The following PAK5 variants were observed in gnomAD, a reference collection of about 807,000 sequenced individuals.
PAK5 encodes p21 (RAC1) activated kinase 5.
PAK5 carries 16 observed loss-of-function variants against 65.9 expected under a neutral mutation model. That is an observed-to-expected ratio of 0.24 (90% confidence interval 0.16 to 0.37). PAK5 has a LOEUF of 0.37. PAK5 is among the 10% of genes least tolerant of loss of function. The pLI, the probability that PAK5 is intolerant of heterozygous loss-of-function variation, is 1.00. For missense variants in PAK5, 785 were observed against 903.9 expected, an observed-to-expected ratio of 0.87 and a Z score of 1.69; for synonymous variants, 371 against 354.9, an observed-to-expected ratio of 1.05 and a Z score of -0.51.
chr20:9,820,739 A>C (rs1008517157), intron 1 of PAK5, among the ~76,000 whole-genome samples: 2 of 152,198 alleles, frequency 1.3e-5, no homozygotes, highest in African/African-American at 4.8e-5. Context: ...GGCACAACAA[A>C]AGTGGAATCA....
chr20:9,809,325 G>C (rs909196480), intron 1 of PAK5, among the ~76,000 whole-genome samples: 4 of 145,444 alleles, frequency 2.8e-5, no homozygotes, highest in Non-Finnish European at 5.9e-5. Context: ...TTTCTGTTGA[G>C]GCAATCCAAA....
At chr20:9,834,806 T>C (rs13042727) in intron 1 of PAK5, among the ~76,000 whole-genome samples, 3,088 of 152,234 alleles carry the variant, frequency 0.02, 42 homozygotes, top group South Asian at 0.037. Flanking sequence ...TTATTATACA[T>C]AATGATTATT....
At chr20:9,832,562 C>T (rs558798350) in intron 1 of PAK5, among the ~76,000 whole-genome samples, 10 of 152,278 alleles carry the variant, frequency 6.6e-5, no homozygotes, top group East Asian at 1.9e-4. Flanking sequence ...CATGAGCCAC[C>T]GTGCCTGGCA....
chr20:9,704,368 C>T (rs970710626), intron 2 of PAK5, among the ~76,000 whole-genome samples: 2 of 152,192 alleles, frequency 1.3e-5, no homozygotes, highest in Non-Finnish European at 2.9e-5. Context: ...ACTTCACAAT[C>T]TGCATAATTA....
chr20:9,671,923 T>C (rs2047504271), intron 2 of PAK5, among the ~76,000 whole-genome samples: 1 of 152,134 alleles, frequency 6.6e-6, no homozygotes, highest in Non-Finnish European at 1.5e-5. Flanking sequence ...AAATAGGCCC[T>C]GTTCCTGTCA....
At chr20:9,810,826 A>C (rs759530679) in intron 1 of PAK5, among the ~76,000 whole-genome samples, 4 of 152,188 alleles carry the variant, frequency 2.6e-5, no homozygotes, top group Non-Finnish European at 4.4e-5. Flanking sequence ...GTTAAGTTTC[A>C]CCACGTATAT....
chr20:9,647,632 G>A (rs933881892), intron 2 of PAK5, among the ~76,000 whole-genome samples: 18 of 152,148 alleles, frequency 1.2e-4, no homozygotes, highest in Admixed American at 7.2e-4. Flanking sequence ...AGAGAGTTGC[G>A]GAGAGGAAAT....
intron 2 of PAK5, among the ~76,000 whole-genome samples, chr20:9,657,837 G>C (rs2047290215): frequency 6.6e-6 from 1 of 152,150 alleles, no homozygotes; most frequent in Non-Finnish European, 1.5e-5. Context: ...GATTTGCCTT[G>C]TTCAAGAAAC....
chr20:9,629,025 C>T (rs1183042409), intron 3 of PAK5, among the ~76,000 whole-genome samples: 1 of 152,150 alleles, frequency 6.6e-6, no homozygotes, highest in Non-Finnish European at 1.5e-5. Context: ...ATCAACAAAC[C>T]AGGCTTCTTC....
intron 1 of PAK5, among the ~76,000 whole-genome samples, chr20:9,807,779 A>ATAATAATAATAATAATAG (rs1286073054): frequency 1.3e-5 from 2 of 149,604 alleles, no homozygotes; most frequent in South Asian, 2.1e-4. Context: ...AATAATAATA[A>ATAATAATAATAATAATAG]TAATAATAAT....
chr20:9,641,361 T>C (rs1438246604), intron 3 of PAK5, among the ~76,000 whole-genome samples: 1 of 146,040 alleles, frequency 6.8e-6, no homozygotes, highest in African/African-American at 2.7e-5. Flanking sequence ...AGATACAGAG[T>C]GTCGACTGGT....
At chr20:9,694,497 C>T (rs2123443214) in intron 2 of PAK5, among the ~76,000 whole-genome samples, 1 of 152,040 alleles carries the variant, frequency 6.6e-6, no homozygotes, top group South Asian at 2.1e-4. Context: ...GAACACATTC[C>T]TGAAACCACA....
At chr20:9,622,217 G>T (rs1600157552) in intron 3 of PAK5, among the ~76,000 whole-genome samples, 1 of 150,702 alleles carries the variant, frequency 6.6e-6, no homozygotes, top group Non-Finnish European at 1.5e-5. Flanking sequence ...ACCATTTTGA[G>T]GTAATGCTAG....
At chr20:9,540,737 CTTT>C (rs1168963029) in intron 9 of PAK5, among the ~76,000 whole-genome samples, 4 of 138,236 alleles carry the variant, frequency 2.9e-5, no homozygotes, top group East Asian at 2.1e-4. Flanking sequence ...TTTTTAGTCA[CTTT>C]TTTTTTTTTT....
At chr20:9,688,460 A>T (rs2047749777) in intron 2 of PAK5, among the ~76,000 whole-genome samples, 1 of 151,798 alleles carries the variant, frequency 6.6e-6, no homozygotes, top group Non-Finnish European at 1.5e-5. Flanking sequence ...ACCAACCCTG[A>T]CTCAGGTCCC....
chr20:9,764,858 T>A (rs1482737019), intron 1 of PAK5, among the ~76,000 whole-genome samples: 2 of 152,164 alleles, frequency 1.3e-5, no homozygotes, highest in African/African-American at 4.8e-5. Context: ...TTAGGATCTT[T>A]AAAAAATAAC....
intron 2 of PAK5, among the ~76,000 whole-genome samples, chr20:9,668,673 A>C (rs2047452232): frequency 6.6e-6 from 1 of 152,220 alleles, no homozygotes; most frequent in East Asian, 1.9e-4. Context: ...GCATGCTCAA[A>C]CCAATAAACA....
intron 1 of PAK5, among the ~76,000 whole-genome samples, chr20:9,737,452 T>C (rs1318983529): frequency 1.3e-5 from 2 of 152,196 alleles, no homozygotes; most frequent in African/African-American, 4.8e-5. Flanking sequence ...CAATCCTAAA[T>C]GTTTATATGC....
intron 3 of PAK5, among the ~76,000 whole-genome samples, chr20:9,618,545 T>G (rs2046704412): frequency 6.6e-6 from 1 of 151,752 alleles, no homozygotes; most frequent in Non-Finnish European, 1.5e-5. Flanking sequence ...TAGCTGAGAT[T>G]GCAGGCATGT....
Sources: gnomAD v4.1 joint callset for allele counts (sites outside exome capture counted in the v4.1 genomes callset) on GRCh38, gnomAD v4.1.1 for gene constraint, MANE v1.5 for transcripts, NCBI Gene and HGNC (gene_info 2026-07-23, HGNC 2026-07-21) for gene names.